UBE2E1: variants seen among roughly 807,000 people sequenced by gnomAD.
UBE2E1 encodes ubiquitin conjugating enzyme E2 E1.
A neutral mutation model predicts 21.4 loss-of-function variants in UBE2E1; 6 were observed. The observed-to-expected ratio is 0.28, with a 90% CI of 0.15 to 0.55. The LOEUF (loss-of-function observed/expected upper bound fraction) is 0.55, where lower values mean the gene tolerates loss of function less well. Among genes scored for constraint, UBE2E1 ranks in the 20% least tolerant of loss-of-function variants. UBE2E1 has a pLI of 0.93. For missense variants in UBE2E1, 142 were observed against 236.5 expected (o/e 0.60, Z 2.62); for synonymous variants, 87 against 82.7 (o/e 1.05, Z -0.28).
chr3:23,828,656 C>G (rs1559478889), intron 3 of UBE2E1, among the ~76,000 whole-genome samples: 1 of 152,142 alleles, frequency 6.6e-6, no homozygotes, highest in Non-Finnish European at 1.5e-5. Flanking sequence ...GTGCATAGCA[C>G]TGAATTAGAT....
Position 23,810,527 on chromosome 3 carries a change from A to T in UBE2E1, c.153-933A>T. The T allele has an allele frequency of 6.5e-7, 1 of 1,534,798 alleles. No homozygotes were observed. The highest frequency in any genetic ancestry group is 1.2e-5 in the South Asian group (1 of 84,020). On this transcript the variant is annotated intron_variant, in intron 2 of 5. Coordinates refer to ENST00000306627, the MANE Select transcript of UBE2E1 (RefSeq NM_003341.5). The surrounding 1 kb of genome is among the most constrained non-coding windows in gnomAD (Gnocchi z 5.8). ...AGTTAGAGGACGCCCGGGGAAAAGCAGGTCCGGGGAGGTGGGCCGAGAGTC... is the reference window on the plus strand; with the variant it reads ...AGTTAGAGGACGCCCGGGGAAAAGCTGGTCCGGGGAGGTGGGCCGAGAGTC...
In UBE2E1 at chr3:23,889,194, G is replaced by C; in HGVS notation, c.419G>C (p.Ser140Thr). 1.2e-6 allele frequency: 2 copies of C among 1,613,502 alleles called. No homozygotes were observed. Among genetic ancestry groups the C allele is most frequent in the Non-Finnish European group, 1.7e-6 (2 of 1,179,900 alleles). ...TTGGACATATTGAAAGATAATTGGA[G>C]TCCAGCACTAACCATTTCTAAAGTC... ...ICLDILKDNW[S>T]PALTISKVLL... The change falls in exon 5 of 6, where the codon AGT becomes ACT. Residue 140 changes from serine to threonine, a missense_variant. This residue lies in a region of UBE2E1 where 87 missense variants were observed against 184.9 expected (regional missense o/e 0.47). Transcript: ENST00000306627.
chr3:23,878,693 C>G (rs576906478), intron 3 of UBE2E1, among the ~76,000 whole-genome samples: 1 of 152,214 alleles, frequency 6.6e-6, no homozygotes, highest in Admixed American at 6.5e-5. Context: ...ATCTAGGTTG[C>G]GTGCTCCTTA....
intron 3 of UBE2E1, among the ~76,000 whole-genome samples, chr3:23,885,889 CAAAA>C (rs200942209): frequency 6.6e-6 from 1 of 151,186 alleles, no homozygotes; most frequent in African/African-American, 2.4e-5. Flanking sequence ...ACAAAACAAA[CAAAA>C]AAACTCTCTC....
intron 3 of UBE2E1, among the ~76,000 whole-genome samples, chr3:23,845,587 CTCTGTG>C (rs1700182951): frequency 1.7e-5 from 2 of 115,550 alleles, no homozygotes; most frequent in African/African-American, 3.3e-5. Context: ...CTCTCTCTCT[CTCTGTG>C]TGTGTGTGTG....
At chr3:23,879,064 T>C in intron 3 of UBE2E1, 2 of 500,632 alleles carry the variant, frequency 4.0e-6, no homozygotes, top group African/African-American at 2.0e-5. Flanking sequence ...GCCAACAATG[T>C]ATCAGTTCCT....
intron 3 of UBE2E1, among the ~76,000 whole-genome samples, chr3:23,886,269 G>T (rs1027193193): frequency 1.3e-5 from 2 of 152,150 alleles, no homozygotes; most frequent in Non-Finnish European, 2.9e-5. Flanking sequence ...AGATATTAAA[G>T]AATTAATAAT....
Position 23,890,670 on chromosome 3 carries a change from A to C in UBE2E1, c.*64A>C. 1.2e-4 allele frequency: 118 copies of C among 966,200 alleles called. No homozygotes were observed. The highest frequency in any genetic ancestry group is 1.7e-4 in the Non-Finnish European group (108 of 650,506). 59.9% of individuals were successfully genotyped at this position (966,200 alleles called of 1,614,324 possible). On this transcript the variant is annotated 3_prime_UTR_variant, in exon 6 of 6. Transcript: ENST00000306627. ...AGAAGAGAGCTGCTTATGATTTTGA[A>C]GGGGTCAGGGAGGGTGGGAGTTGGT...
At chr3:23,873,671 G>A (rs967264572) in intron 3 of UBE2E1, among the ~76,000 whole-genome samples, 2 of 152,152 alleles carry the variant, frequency 1.3e-5, no homozygotes, top group Non-Finnish European at 2.9e-5. Context: ...ACTTGAACCC[G>A]GGAGGCGGAG....
intron 3 of UBE2E1, among the ~76,000 whole-genome samples, chr3:23,814,962 G>T (rs1320788876): frequency 1.3e-5 from 2 of 152,038 alleles, no homozygotes; most frequent in Non-Finnish European, 2.9e-5. Context: ...TTCAAGCATG[G>T]GTGAGAATAA....
chr3:23,855,944 A>G (rs1200110344), intron 3 of UBE2E1, among the ~76,000 whole-genome samples: 4 of 152,210 alleles, frequency 2.6e-5, no homozygotes, highest in Non-Finnish European at 5.9e-5. Flanking sequence ...GTGGAATAGC[A>G]TTAGCTGTGT....
At chr3:23,872,973 C>T (rs913303424) in intron 3 of UBE2E1, among the ~76,000 whole-genome samples, 9 of 151,872 alleles carry the variant, frequency 5.9e-5, no homozygotes, top group Middle Eastern at 3.4e-3. Flanking sequence ...GCCTAGATCA[C>T]GCCACTGCAC....
intron 3 of UBE2E1, among the ~76,000 whole-genome samples, chr3:23,838,898 T>C (rs1381266712): frequency 6.6e-6 from 1 of 151,294 alleles, no homozygotes; most frequent in African/African-American, 2.4e-5. Context: ...TTAATGATAC[T>C]ATATTAATTA....
At chr3:23,809,473 T>C (rs934862936) in intron 2 of UBE2E1, among the ~76,000 whole-genome samples, 1 of 152,218 alleles carries the variant, frequency 6.6e-6, no homozygotes, top group African/African-American at 2.4e-5. Context: ...AAGTGGTTTC[T>C]AAACCGTGGG....
At chr3:23,815,497 C>T (rs1410341912) in intron 3 of UBE2E1, among the ~76,000 whole-genome samples, 2 of 152,226 alleles carry the variant, frequency 1.3e-5, no homozygotes, top group African/African-American at 2.4e-5. Flanking sequence ...CACACAGATG[C>T]TCCAAGTTAG....
chr3:23,810,623 G>C lies in UBE2E1; in HGVS notation c.153-837G>C. 2 of 1,225,632 alleles carry C rather than the reference G, an allele frequency of 1.6e-6. No homozygotes were observed. Among genetic ancestry groups the C allele is most frequent in the African/African-American group, 1.6e-5 (1 of 63,566 alleles). The allele number at this position is 1,225,632 out of a possible 1,614,324, so 75.9% of individuals were successfully genotyped here. A position where few individuals can be genotyped will look rare whatever the true frequency, so the allele number is the denominator to read the frequency against. The stretch of plus-strand genomic sequence containing the variant: ...GCCGCGGGCCGGCCACTTGGGGTCT[G>C]TGGTGCCCGAGTGGCGGGCGGGGGT... On this transcript the variant is annotated intron_variant, in intron 2 of 5. Coordinates refer to ENST00000306627, the MANE Select transcript of UBE2E1 (RefSeq NM_003341.5). This position sits in a 1 kb window ranked among gnomAD's most constrained non-coding sequence, Gnocchi z 5.8.
chr3:23,837,214 A>G (rs139692314), intron 3 of UBE2E1, among the ~76,000 whole-genome samples: 21 of 152,330 alleles, frequency 1.4e-4, no homozygotes, highest in Non-Finnish European at 1.2e-4. Context: ...TTATACTATT[A>G]TTTTCACCTC....
intron 3 of UBE2E1, among the ~76,000 whole-genome samples, chr3:23,847,529 C>T (rs1281388164): frequency 1.6e-5 from 2 of 122,940 alleles, no homozygotes; most frequent in Admixed American, 2.1e-4. Flanking sequence ...GAGTCTCGCT[C>T]TGTCACCCAG....
chr3:23,832,327 G>A (rs1295253106), intron 3 of UBE2E1, among the ~76,000 whole-genome samples: 1 of 152,188 alleles, frequency 6.6e-6, no homozygotes, highest in African/African-American at 2.4e-5. Flanking sequence ...TTCCTGGAGG[G>A]AGGAGACCTG....
Sources: gnomAD v4.1 joint callset for allele counts (sites outside exome capture counted in the v4.1 genomes callset) on GRCh38, gnomAD v4.1.1 for gene constraint, gnomAD v4.1.1 regional missense constraint, Gnocchi (gnomAD v3.1) non-coding constraint, MANE v1.5 for transcripts, NCBI Gene and HGNC (gene_info 2026-07-23, HGNC 2026-07-21) for gene names.